Variants in SPOCK3 observed in about 807,000 individuals in gnomAD.
SPOCK3 encodes testican-3.
SPOCK3 carries 30 observed loss-of-function variants against 56.6 expected under a neutral mutation model. The ratio of observed to expected loss-of-function variants is 0.53; its 90% confidence interval spans 0.40 to 0.72. The LOEUF (loss-of-function observed/expected upper bound fraction) is 0.72. Among genes scored for constraint, SPOCK3 ranks in the 30% least tolerant of loss-of-function variants. The pLI, the probability that SPOCK3 is intolerant of heterozygous loss-of-function variation, is 0.00. For synonymous variants in SPOCK3, 196 were observed against 183.3 expected (o/e 1.07, Z -0.56); for missense variants, 527 against 530.0 (o/e 0.99, Z 0.06).
chr4:166,884,814 A>T (rs1400609023), intron 6 of SPOCK3, among the ~76,000 whole-genome samples: 1 of 151,962 alleles, frequency 6.6e-6, no homozygotes. Context: ...TGAATAAGTT[A>T]GGCTCTCCAC....
chr4:166,777,728 C>T (rs968634415), intron 7 of SPOCK3, among the ~76,000 whole-genome samples: 2 of 151,916 alleles, frequency 1.3e-5, no homozygotes, highest in African/African-American at 4.8e-5. Flanking sequence ...CAAAGTGAGG[C>T]CTTGTCTCAA....
intron 2 of SPOCK3, among the ~76,000 whole-genome samples, chr4:167,181,323 T>A (rs1320938471): frequency 6.6e-6 from 1 of 152,168 alleles, no homozygotes; most frequent in Non-Finnish European, 1.5e-5. Context: ...TTCTGTGACC[T>A]CCTCCTTCAA....
intron 4 of SPOCK3, among the ~76,000 whole-genome samples, chr4:166,924,363 TA>T (rs1284419035): frequency 6.6e-6 from 1 of 152,218 alleles, no homozygotes; most frequent in East Asian, 1.9e-4. Context: ...TTCACAACTG[TA>T]AGTGAAAGAG....
chr4:167,117,032 A>G (rs985098852), intron 2 of SPOCK3, among the ~76,000 whole-genome samples: 2 of 150,474 alleles, frequency 1.3e-5, no homozygotes, highest in African/African-American at 4.9e-5. Context: ...GAAATGACCA[A>G]TGGTTGCCTT....
intron 2 of SPOCK3, among the ~76,000 whole-genome samples, chr4:167,202,393 C>A (rs1434371719): frequency 4.0e-5 from 6 of 151,884 alleles, no homozygotes; most frequent in African/African-American, 1.4e-4. Context: ...AATAGATTGT[C>A]TACATGACAG....
intron 6 of SPOCK3, among the ~76,000 whole-genome samples, chr4:166,840,775 T>TTTTTG (rs988931456): frequency 7.4e-6 from 1 of 135,118 alleles, no homozygotes; most frequent in African/African-American, 2.8e-5. Flanking sequence ...GCAAAAGTTT[T>TTTTTG]TTTTTTTTTT....
chr4:167,013,206 A>G (rs956404688), intron 3 of SPOCK3, among the ~76,000 whole-genome samples: 60 of 152,008 alleles, frequency 3.9e-4, no homozygotes, highest in African/African-American at 1.4e-3. Flanking sequence ...TATTTCAATG[A>G]TATCTTAATA....
intron 6 of SPOCK3, 23 bp downstream of exon 6, chr4:166,889,107 A>G (rs1055147473): frequency 1.5e-6 from 2 of 1,374,432 alleles, no homozygotes; most frequent in Non-Finnish European, 2.1e-6. Flanking sequence ...ATGTAAAATT[A>G]TAAATATATT....
intron 2 of SPOCK3, among the ~76,000 whole-genome samples, chr4:167,124,555 T>C (rs188079768): frequency 7.2e-5 from 11 of 152,274 alleles, no homozygotes; most frequent in African/African-American, 2.6e-4. Flanking sequence ...TGGTCAGCTG[T>C]ACCTTCAAAA....
intron 2 of SPOCK3, among the ~76,000 whole-genome samples, chr4:167,083,611 A>G (rs1403284135): frequency 1.3e-5 from 2 of 152,134 alleles, no homozygotes; most frequent in African/African-American, 4.8e-5. Context: ...GACTTTTGCT[A>G]GTATAATTGT....
chr4:166,796,340 T>A (rs1438070575), intron 6 of SPOCK3, among the ~76,000 whole-genome samples: 1 of 152,182 alleles, frequency 6.6e-6, no homozygotes, highest in Non-Finnish European at 1.5e-5. Flanking sequence ...GAAGCTCAGA[T>A]GAAAATACAG....
At chr4:166,997,874 TC>T (rs200344240) in intron 4 of SPOCK3, among the ~76,000 whole-genome samples, 1,939 of 152,232 alleles carry the variant, frequency 0.013, 20 homozygotes, top group Non-Finnish European at 0.019. Context: ...AATAAGTTGT[TC>T]CTTTAAACAG....
intron 6 of SPOCK3, among the ~76,000 whole-genome samples, chr4:166,805,934 A>G (rs1411515636): frequency 1.3e-5 from 2 of 152,128 alleles, no homozygotes; most frequent in Admixed American, 1.3e-4. Context: ...TAAAAGGTCT[A>G]ATCTAAAACT....
At position 167,192,181 on chromosome 4, in the gene SPOCK3, A is replaced by G. The variant is rs192342155; in HGVS notation, c.189+41804T>C. 1.7e-3 allele frequency among the ~76,000 whole-genome samples: 242 copies of G among 145,570 alleles called. 39 individuals carry two copies. Among genetic ancestry groups the G allele is most frequent in the African/African-American group, 5.9e-3 (227 of 38,254 alleles). On this transcript the variant is annotated intron_variant, in intron 2 of 10. Coordinates refer to ENST00000357545, the MANE Select transcript of SPOCK3 (RefSeq NM_001040159.2). ...TTCATTCACTGTTGAATTTGGTTTG[A>G]TAGTATTTTTTGAATATTTTGACAT... is the stretch of plus-strand genomic sequence containing the variant.
At chr4:167,217,862 A>AT (rs34072783) in intron 2 of SPOCK3, among the ~76,000 whole-genome samples, 4,800 of 152,040 alleles carry the variant, frequency 0.032, 114 homozygotes, top group Middle Eastern at 0.075. Context: ...ATTACTATGG[A>AT]TTTTTTATTA....
intron 6 of SPOCK3, among the ~76,000 whole-genome samples, chr4:166,826,907 C>A (rs1004082689): frequency 6.6e-6 from 1 of 151,938 alleles, no homozygotes; most frequent in African/African-American, 2.4e-5. Flanking sequence ...TCTTACTTGC[C>A]TTCAGAGATC....
In SPOCK3 at chr4:166,889,075, AC is replaced by A; in HGVS notation, c.589+54del. 2.7e-6 allele frequency: 3 copies of A among 1,107,744 alleles called. No homozygotes were observed. The South Asian group carries it at 3.9e-5, about 14-fold the overall frequency. The allele number at this position is 1,107,744 out of a possible 1,614,324, so 68.6% of individuals were successfully genotyped here. Reference sequence around the variant, plus strand: ...ATTTAATGACAACATCTATTGCAAAACATTTTAGTAGAGAGTGATGAATGTA... The same window carrying A: ...ATTTAATGACAACATCTATTGCAAAAATTTTAGTAGAGAGTGATGAATGTA... On this transcript the variant is annotated intron_variant, in intron 6 of 10. Coordinates refer to ENST00000357545, the MANE Select transcript of SPOCK3 (RefSeq NM_001040159.2).
intron 2 of SPOCK3, among the ~76,000 whole-genome samples, chr4:167,135,951 T>C (rs1252203879): frequency 2.0e-5 from 3 of 152,114 alleles, no homozygotes; most frequent in Admixed American, 6.6e-5. Flanking sequence ...TAAAAGTACA[T>C]GTGAAAACCC....
intron 4 of SPOCK3, among the ~76,000 whole-genome samples, chr4:166,956,144 C>T (rs1022328553): frequency 2.0e-5 from 3 of 151,842 alleles, no homozygotes; most frequent in Non-Finnish European, 4.4e-5. Context: ...TACATTAGTC[C>T]CTCATTATTT....
Sources: allele counts gnomAD v4.1 joint callset (sites outside exome capture counted in the v4.1 genomes callset), GRCh38; gene constraint gnomAD v4.1.1; transcripts MANE v1.5; gene names NCBI Gene and HGNC (gene_info 2026-07-23, HGNC 2026-07-21).